The following CSMD1 variants were observed in gnomAD, a reference collection of about 807,000 sequenced individuals.
CSMD1 encodes CUB and sushi domain-containing protein 1.
CSMD1 carries 213 observed loss-of-function variants against 417.5 expected under a neutral mutation model. The observed-to-expected ratio is 0.51, with a 90% confidence interval of 0.46 to 0.57. The LOEUF is 0.57. CSMD1 is among the 20% of genes least tolerant of loss of function. The pLI is 0.00. For synonymous variants in CSMD1, 2,862 were observed against 1,736.8 expected (o/e 1.65, Z -16.11); for missense variants, 6,923 against 4,529.7 (o/e 1.53, Z -15.17).
chr8:3,834,505 G>T (rs1252390014), intron 5 of CSMD1, among the ~76,000 whole-genome samples: 1 of 152,198 alleles, frequency 6.6e-6, no homozygotes, highest in Non-Finnish European at 1.5e-5. Flanking sequence ...TACTTAAGGG[G>T]AGAAACGGGG....
intron 26 of CSMD1, among the ~76,000 whole-genome samples, chr8:3,251,020 T>A (rs1047448582): frequency 1.3e-5 from 2 of 152,224 alleles, no homozygotes; most frequent in Non-Finnish European, 2.9e-5. Context: ...GGTTGCCTGT[T>A]CACTCTGATG....
intron 49 of CSMD1, among the ~76,000 whole-genome samples, chr8:3,060,425 G>A (rs1174765491): frequency 6.6e-6 from 1 of 152,148 alleles, no homozygotes; most frequent in Non-Finnish European, 1.5e-5. Flanking sequence ...CTGAACTCAA[G>A]TGATCCACCC....
rs553064201 is a variant in CSMD1 at position 4,508,524 on chromosome 8, T to C, written c.303-88459A>G. Among the ~76,000 whole-genome samples, 9 of 152,328 alleles carry C rather than the reference T, an allele frequency of 5.9e-5. No homozygotes were observed. The South Asian group carries it at 1.0e-3, about 18-fold the overall frequency. Reference sequence around the variant, plus strand: ...TTTTAATAAAATCATCCAAACGTTATAAATTTGCAAGATGAAGTTTACTGC... The same window carrying C: ...TTTTAATAAAATCATCCAAACGTTACAAATTTGCAAGATGAAGTTTACTGC... On this transcript the variant is annotated intron_variant, in intron 2 of 69. Coordinates refer to ENST00000635120, the MANE Select transcript of CSMD1 (RefSeq NM_033225.6).
At chr8:3,907,780 A>G (rs1254320589) in intron 5 of CSMD1, among the ~76,000 whole-genome samples, 1 of 152,160 alleles carries the variant, frequency 6.6e-6, no homozygotes, top group Non-Finnish European at 1.5e-5. Flanking sequence ...GACTCTTAGA[A>G]TCACCCGCTG....
intron 3 of CSMD1, among the ~76,000 whole-genome samples, chr8:4,063,610 C>G (rs2740875): frequency 2.0e-5 from 3 of 152,176 alleles, no homozygotes; most frequent in Admixed American, 6.5e-5. Flanking sequence ...ACGTACGTTT[C>G]CAGTTCAGCG....
intron 5 of CSMD1, among the ~76,000 whole-genome samples, chr8:3,831,764 C>T (rs998298855): frequency 3.3e-5 from 5 of 152,096 alleles, no homozygotes; most frequent in African/African-American, 1.2e-4. Flanking sequence ...TAGCACAACA[C>T]ATAGCCATTT....
intron 7 of CSMD1, among the ~76,000 whole-genome samples, chr8:3,643,572 G>T (rs776122458): frequency 2.0e-5 from 3 of 151,874 alleles, no homozygotes; most frequent in African/African-American, 7.3e-5. Flanking sequence ...GTGGTGGCGG[G>T]CGCCTGTAGT....
intron 7 of CSMD1, among the ~76,000 whole-genome samples, chr8:3,638,644 A>T (rs966537866): frequency 3.3e-5 from 5 of 152,132 alleles, no homozygotes; most frequent in Non-Finnish European, 1.5e-5. Flanking sequence ...CAGGTGAAAC[A>T]TGGGCAAGAT....
At chr8:3,114,572 C>G (rs1425751265) in intron 42 of CSMD1, among the ~76,000 whole-genome samples, 1 of 151,706 alleles carries the variant, frequency 6.6e-6, no homozygotes, top group Non-Finnish European at 1.5e-5. Flanking sequence ...TTCTGTTACT[C>G]TGGTTTCCTT....
At chr8:3,740,314 C>G (rs1363321266) in intron 6 of CSMD1, among the ~76,000 whole-genome samples, 1 of 152,158 alleles carries the variant, frequency 6.6e-6, no homozygotes, top group Non-Finnish European at 1.5e-5. Context: ...CCATGTTGGA[C>G]AGGCTGGTCT....
intron 5 of CSMD1, among the ~76,000 whole-genome samples, chr8:3,933,474 C>G (rs1221577170): frequency 2.6e-5 from 4 of 152,128 alleles, no homozygotes; most frequent in Non-Finnish European, 4.4e-5. Context: ...CCCACCCACT[C>G]AACCCCTTTC....
At chr8:4,569,544 T>C (rs562613791) in intron 2 of CSMD1, among the ~76,000 whole-genome samples, 3 of 152,326 alleles carry the variant, frequency 2.0e-5, no homozygotes, top group South Asian at 2.1e-4. Context: ...TCAGTTACTC[T>C]TGTCTTGTAA....
At chr8:4,033,661 G>A (rs1245327329) in intron 3 of CSMD1, among the ~76,000 whole-genome samples, 3 of 152,148 alleles carry the variant, frequency 2.0e-5, no homozygotes, top group Non-Finnish European at 4.4e-5. Flanking sequence ...ATGGGCCACT[G>A]ATGACTCGTA....
chr8:4,207,860 T>C (rs1415659259), intron 3 of CSMD1, among the ~76,000 whole-genome samples: 1 of 152,118 alleles, frequency 6.6e-6, no homozygotes, highest in East Asian at 1.9e-4. Context: ...TGATAATTGG[T>C]TCCATATAGG....
chr8:4,548,743 C>G (rs1025856177), intron 2 of CSMD1, among the ~76,000 whole-genome samples: 4 of 152,020 alleles, frequency 2.6e-5, no homozygotes, highest in Non-Finnish European at 5.9e-5. Context: ...ATTACAGAAC[C>G]GCTTTGAAAG....
intron 65 of CSMD1, among the ~76,000 whole-genome samples, 177 bp downstream of exon 65, chr8:2,954,047 A>G (rs1242153462): frequency 1.3e-5 from 2 of 152,256 alleles, no homozygotes; most frequent in Non-Finnish European, 2.9e-5. Context: ...TTAACAAACC[A>G]TTGTTGTGAA....
intron 2 of CSMD1, among the ~76,000 whole-genome samples, chr8:4,467,489 G>T (rs1013510757): frequency 6.6e-6 from 1 of 152,188 alleles, no homozygotes; most frequent in Non-Finnish European, 1.5e-5. Flanking sequence ...TGAGTGGCCA[G>T]AGGATAGAGT....
rs962824870 is a variant in CSMD1, at chr8:4,195,973, G to A, written c.416-163874C>T. On this transcript the variant is annotated intron_variant, in intron 3 of 69. Coordinates refer to ENST00000635120, the MANE Select transcript of CSMD1 (RefSeq NM_033225.6). The stretch of plus-strand genomic sequence containing the variant: ...ACGCCTGTAATCCCAACACTTTGGG[G>A]CACCGAGGTGAGCGGATCATGAGGT... Among the ~76,000 whole-genome samples the A allele has an allele frequency of 1.1e-3, 160 of 151,990 alleles. 1 individual carries two copies. The highest frequency in any genetic ancestry group is 3.7e-3 in the African/African-American group (152 of 41,482).
At chr8:3,523,000 CAT>C (rs563324092) in intron 10 of CSMD1, among the ~76,000 whole-genome samples, 212 of 126,398 alleles carry the variant, frequency 1.7e-3, no homozygotes, top group African/African-American at 5.9e-3. Context: ...AATGGAGATA[CAT>C]ATATACACAC....
Sources: allele counts gnomAD v4.1 joint callset (sites outside exome capture counted in the v4.1 genomes callset), GRCh38; gene constraint gnomAD v4.1.1; transcripts MANE v1.5; gene names NCBI Gene and HGNC (gene_info 2026-07-23, HGNC 2026-07-21).